Variants in JAKMIP2 observed in about 807,000 individuals in gnomAD.
The protein encoded by JAKMIP2 is janus kinase and microtubule interacting protein 2.
Under a neutral mutation model 115.0 loss-of-function variants are expected in JAKMIP2, and 25 were observed. The observed-to-expected ratio is 0.22, with a 90% CI of 0.16 to 0.30. JAKMIP2 has a LOEUF of 0.30. Ranked by LOEUF, JAKMIP2 falls within the 10% of genes least tolerant of loss-of-function variation. The pLI, the probability that JAKMIP2 is intolerant of heterozygous loss-of-function variation, is 1.00. For synonymous variants in JAKMIP2, 334 were observed against 343.6 expected (o/e 0.97, Z 0.31); for missense variants, 642 against 957.6 (o/e 0.67, Z 4.35).
intron 1 of JAKMIP2, among the ~76,000 whole-genome samples, chr5:147,742,166 T>C (rs1754174677): frequency 6.8e-6 from 1 of 147,696 alleles, no homozygotes; most frequent in Non-Finnish European, 1.5e-5. Context: ...TTTTTTTTAC[T>C]ATTGTATTGT....
At chr5:147,637,123 G>C (rs954460648) in intron 10 of JAKMIP2, 75 bp from the exon 11 acceptor site, 1 of 796,920 alleles carries the variant, frequency 1.3e-6, no homozygotes. Context: ...AACTCAACAA[G>C]TAAGAGAGAG....
chr5:147,641,924 A>G (rs752963356), intron 7 of JAKMIP2, among the ~76,000 whole-genome samples, 160 bp from the exon 8 acceptor site: 15 of 152,184 alleles, frequency 9.9e-5, no homozygotes, highest in Admixed American at 5.2e-4. Flanking sequence ...ATACTTAAAT[A>G]TATTCAAAAC....
At chr5:147,726,786 G>A (rs1375279245) in intron 1 of JAKMIP2, among the ~76,000 whole-genome samples, 1 of 152,170 alleles carries the variant, frequency 6.6e-6, no homozygotes, top group Non-Finnish European at 1.5e-5. Flanking sequence ...TTATGTCCTT[G>A]GAAGCTTGAG....
intron 1 of JAKMIP2, among the ~76,000 whole-genome samples, chr5:147,732,661 C>G (rs1297652087): frequency 1.3e-5 from 2 of 152,094 alleles, no homozygotes; most frequent in African/African-American, 4.8e-5. Context: ...GTGCAAAGAA[C>G]TTTATTTGCA....
At chr5:147,652,553 G>A (rs1287302206) in intron 3 of JAKMIP2, among the ~76,000 whole-genome samples, 1 of 152,100 alleles carries the variant, frequency 6.6e-6, no homozygotes, top group African/African-American at 2.4e-5. Context: ...AATGGAGCTT[G>A]GGGTAGGGGT....
chr5:147,630,322 T>C (rs1392538281), intron 14 of JAKMIP2, among the ~76,000 whole-genome samples: 1 of 152,156 alleles, frequency 6.6e-6, no homozygotes, highest in Non-Finnish European at 1.5e-5. Flanking sequence ...GCAGCTGAAC[T>C]CCATTCGAAA....
At chr5:147,690,103 A>G (rs1760758282) in intron 1 of JAKMIP2, among the ~76,000 whole-genome samples, 1 of 152,168 alleles carries the variant, frequency 6.6e-6, no homozygotes, top group Non-Finnish European at 1.5e-5. Context: ...TAATCCCAGC[A>G]TTTTTGGAGG....
intron 1 of JAKMIP2, among the ~76,000 whole-genome samples, chr5:147,685,392 A>G (rs1247619094): frequency 6.6e-6 from 1 of 152,238 alleles, no homozygotes; most frequent in African/African-American, 2.4e-5. Flanking sequence ...GGGGCTTAGT[A>G]TAAGCTAGGC....
intron 1 of JAKMIP2, among the ~76,000 whole-genome samples, chr5:147,749,345 A>C (rs1754466140): frequency 6.6e-6 from 1 of 152,160 alleles, no homozygotes; most frequent in African/African-American, 2.4e-5. Context: ...GAATGAGCAA[A>C]AGGAACCCTT....
chr5:147,628,533 C>T (rs1195567679), intron 16 of JAKMIP2, among the ~76,000 whole-genome samples: 2 of 152,114 alleles, frequency 1.3e-5, no homozygotes, highest in African/African-American at 4.8e-5. Context: ...TTTTAAGGAA[C>T]TTCAAAGCAA....
intron 1 of JAKMIP2, among the ~76,000 whole-genome samples, chr5:147,677,426 T>C (rs952336123): frequency 6.6e-5 from 10 of 152,180 alleles, no homozygotes; most frequent in Admixed American, 6.5e-4. Flanking sequence ...AAGAGCCCTT[T>C]ATTTAGGAAC....
At chr5:147,731,532 G>T (rs888195789) in intron 1 of JAKMIP2, among the ~76,000 whole-genome samples, 1 of 152,160 alleles carries the variant, frequency 6.6e-6, no homozygotes, top group African/African-American at 2.4e-5. Context: ...ACATACTTAA[G>T]TTCGTGATCT....
intron 21 of JAKMIP2, among the ~76,000 whole-genome samples, chr5:147,598,736 T>C (rs2126573715): frequency 6.6e-6 from 1 of 152,256 alleles, no homozygotes; most frequent in African/African-American, 2.4e-5. Flanking sequence ...CTTAGGCAAT[T>C]ACTAAAAGAA....
At position 147,780,769 on chromosome 5, in the gene JAKMIP2, T is replaced by C. The variant is rs775919923; in HGVS notation, c.-149+1687A>G. The stretch of plus-strand genomic sequence containing the variant: ...ACCTGGTTCAAATACATGTGAAAAT[T>C]ATAAATGTGGGGGGTGTATGTAGAA... On this transcript the variant is annotated intron_variant, in intron 1 of 21. Coordinates refer to ENST00000616793, the MANE Select transcript of JAKMIP2 (RefSeq NM_001270941.2). Among the ~76,000 whole-genome samples, 15 of 152,190 alleles carry C rather than the reference T, an allele frequency of 9.9e-5. 1 individual carries two copies. The highest frequency in any genetic ancestry group is 1.5e-4 in the Non-Finnish European group (10 of 68,038).
chr5:147,605,203 A>AT lies in JAKMIP2; in HGVS notation c.2413-3393dup, dbSNP rs71001447. Among the ~76,000 whole-genome samples, 199 of 100,508 alleles carry AT rather than the reference A, an allele frequency of 2.0e-3. 2 individuals are homozygous for AT. The highest frequency in any genetic ancestry group is 7.4e-3 in the African/African-American group (195 of 26,426). The allele number at this position is 100,508 out of a possible 152,430, so 65.9% of individuals were successfully genotyped here. On this transcript the variant is annotated intron_variant, in intron 20 of 21. Transcript: ENST00000616793. The stretch of plus-strand genomic sequence containing the variant: ...GTATTCCATGGTGTATATGTGCCAC[A>AT]TTTTTTTTTTTTTTTTTTTTTTTTG...
At chr5:147,721,001 T>C (rs1287795233) in intron 1 of JAKMIP2, among the ~76,000 whole-genome samples, 1 of 151,382 alleles carries the variant, frequency 6.6e-6, no homozygotes, top group Non-Finnish European at 1.5e-5. Context: ...TGGTCTTTGA[T>C]GATGGTGATG....
chr5:147,650,368 T>A lies in JAKMIP2; in HGVS notation c.807A>T (p.Ala269=). 1.2e-6 allele frequency: 2 copies of A among 1,613,178 alleles called. No homozygotes were observed. Among genetic ancestry groups the A allele is most frequent in the Non-Finnish European group, 1.7e-6 (2 of 1,179,136 alleles). ...SSPKREIPGR[A]GDGSEHCSSP... is the part of the protein sequence containing the mutation. ...TGCTGCAGTGTTCGGAACCATCACC[T>A]GCCCTTCCTGGAATTTCTCGTTTTG... Residue 269 remains alanine, a synonymous_variant, in exon 4 of 22, where the codon GCA becomes GCT. Coordinates refer to ENST00000616793, the MANE Select transcript of JAKMIP2 (RefSeq NM_001270941.2).
chr5:147,612,159 G>A (rs541523403), intron 20 of JAKMIP2, 147 bp downstream of exon 20: 18 of 749,332 alleles, frequency 2.4e-5, no homozygotes, highest in South Asian at 1.6e-4. Context: ...CTGTTTGACT[G>A]AAGGTGAAAG....
At chr5:147,631,537 G>C (rs764470963) in intron 13 of JAKMIP2, 26 bp from the exon 14 acceptor site, 5 of 1,460,968 alleles carry the variant, frequency 3.4e-6, no homozygotes, top group Non-Finnish European at 4.8e-6. Context: ...AGAATATATG[G>C]AAATTAAAAA....
Sources: gnomAD v4.1 joint callset for allele counts (sites outside exome capture counted in the v4.1 genomes callset) on GRCh38, gnomAD v4.1.1 for gene constraint, MANE v1.5 for transcripts, NCBI Gene and HGNC (gene_info 2026-07-23, HGNC 2026-07-21) for gene names.